Variants in TTC6 observed in about 807,000 individuals in gnomAD.
TTC6 encodes tetratricopeptide repeat protein 6.
A neutral mutation model predicts 210.4 loss-of-function variants in TTC6; 172 were observed. That is an observed-to-expected ratio of 0.82 (90% CI 0.72 to 0.93). The LOEUF (loss-of-function observed/expected upper bound fraction) is 0.93. Among genes scored for constraint, TTC6 ranks in the 40% least tolerant of loss-of-function variants. The probability of loss-of-function intolerance (pLI) is 0.00; values close to 1 mark genes in which losing one functional copy is unlikely to be tolerated. For synonymous variants in TTC6, 804 were observed against 819.6 expected, an observed-to-expected ratio of 0.98 and a Z score of 0.32; for missense variants, 2,414 against 2,318.1, an observed-to-expected ratio of 1.04 and a Z score of -0.85.
At chr14:37,711,306 T>TC (rs1016146407) in intron 5 of TTC6, among the ~76,000 whole-genome samples, 3 of 152,150 alleles carry the variant, frequency 2.0e-5, no homozygotes, top group Non-Finnish European at 2.9e-5. Flanking sequence ...AAGCCTATGC[T>TC]CTACTGTGAA....
At chr14:37,839,803 C>G (rs1952781) in intron 29 of TTC6, among the ~76,000 whole-genome samples, 133,063 of 152,136 alleles carry the variant, frequency 0.87, 58,987 homozygotes, top group Non-Finnish European at 0.95. Flanking sequence ...AGTCTTTAAT[C>G]CATCTTGAGT....
At chr14:37,667,621 G>A (rs1190525567) in intron 1 of TTC6, among the ~76,000 whole-genome samples, 1 of 150,678 alleles carries the variant, frequency 6.6e-6, no homozygotes, top group Non-Finnish European at 1.5e-5. Flanking sequence ...AAACGTTAGG[G>A]TTATTTTTAT....
chr14:37,720,042 C>T (rs946647506), intron 6 of TTC6, among the ~76,000 whole-genome samples: 5 of 152,066 alleles, frequency 3.3e-5, no homozygotes, highest in Admixed American at 3.3e-4. Flanking sequence ...CATTAATAAA[C>T]ATTTCACCAC....
chr14:37,837,375 T>C, intron 29 of TTC6: 1 of 455,090 alleles, frequency 2.2e-6, no homozygotes, highest in South Asian at 1.6e-5. Flanking sequence ...TTCTGAGAAC[T>C]GGGGGTGCAA....
At chr14:37,647,758 G>A (rs1358647345) in intron 1 of TTC6, among the ~76,000 whole-genome samples, 1 of 152,078 alleles carries the variant, frequency 6.6e-6, no homozygotes, top group East Asian at 1.9e-4. Flanking sequence ...ATGACCCGGG[G>A]GATAAGTGTA....
At chr14:37,666,554 G>A (rs1345874374) in intron 1 of TTC6, among the ~76,000 whole-genome samples, 2 of 150,214 alleles carry the variant, frequency 1.3e-5, no homozygotes, top group African/African-American at 4.8e-5. Context: ...AGAGTGCCTG[G>A]TTAGGCCACC....
At chr14:37,771,990 T>C (rs1460418390) in intron 14 of TTC6, among the ~76,000 whole-genome samples, 4 of 152,174 alleles carry the variant, frequency 2.6e-5, no homozygotes, top group Admixed American at 2.6e-4. Flanking sequence ...TTGGTGTGAA[T>C]GTCCTTTCTG....
chr14:37,806,553 T>C (rs758921807), intron 22 of TTC6, 43 bp downstream of exon 24: 1 of 1,447,348 alleles, frequency 6.9e-7, no homozygotes, highest in South Asian at 1.4e-5. Flanking sequence ...AGTGTTAAGT[T>C]TGGTAAAACT....
At chr14:37,789,765 A>G (rs2096075384) in intron 15 of TTC6, among the ~76,000 whole-genome samples, 2 of 151,826 alleles carry the variant, frequency 1.3e-5, no homozygotes, top group African/African-American at 4.8e-5. Context: ...TTCTCAGAAC[A>G]TATCCCTACT....
intron 1 of TTC6, among the ~76,000 whole-genome samples, chr14:37,638,654 T>C (rs1411479981): frequency 2.0e-5 from 3 of 152,128 alleles, no homozygotes; most frequent in Non-Finnish European, 4.4e-5. Context: ...AGGGAAGTGT[T>C]TGTGGCTTTA....
In TTC6 at chr14:37,796,488, A is replaced by G. The variant is rs1392982259; in HGVS notation, c.3868+118A>G. 5.6e-6 allele frequency: 3 copies of G among 540,472 alleles called. No individual in the cohort carries two copies. The African/African-American group carries it at 6.0e-5, about 11-fold the overall frequency. The allele number at this position is 540,472 out of a possible 1,614,324, so 33.5% of individuals were successfully genotyped here. ...AATTGAAAGTCAAATTAGATTTTCA[A>G]ACTTTAGTTTTATATGTACATTGCC... On this transcript the variant is annotated intron_variant, in intron 19 of 30. Transcript: ENST00000553443.
At chr14:37,748,993 A>G in exon 11 of TTC6, 1 of 1,533,866 alleles carries the variant, frequency 6.5e-7, no homozygotes, top group Non-Finnish European at 8.7e-7. Flanking sequence ...TCAAAGTTCC[A>G]TTATATGAAC....
At chr14:37,807,641 T>A (rs17179532) in intron 23 of TTC6, among the ~76,000 whole-genome samples, 181 bp downstream of exon 25, 39,944 of 152,024 alleles carry the variant, frequency 0.26, 6,237 homozygotes, top group South Asian at 0.41. Context: ...ATAATGGTAT[T>A]TATTTTTGAC....
intron 26 of TTC6, among the ~76,000 whole-genome samples, chr14:37,818,319 A>G (rs2096147145): frequency 6.6e-6 from 1 of 152,190 alleles, no homozygotes; most frequent in Admixed American, 6.5e-5. Context: ...TTTGTTAGCC[A>G]TAATGTTTAT....
At chr14:37,657,237 A>AAAAAAG (rs2095725964) in intron 1 of TTC6, among the ~76,000 whole-genome samples, 8 of 150,792 alleles carry the variant, frequency 5.3e-5, no homozygotes, top group Non-Finnish European at 1.5e-5. Flanking sequence ...AAAAAAAAAA[A>AAAAAAG]AATACAAGTA....
chr14:37,728,470 C>G (rs2095878248), intron 7 of TTC6, among the ~76,000 whole-genome samples: 1 of 151,630 alleles, frequency 6.6e-6, no homozygotes, highest in Non-Finnish European at 1.5e-5. Flanking sequence ...GTTTTACTTT[C>G]TGTGATTAGA....
chr14:37,613,888 G>A (rs2095638519), intron 2 of TTC6, among the ~76,000 whole-genome samples: 1 of 151,838 alleles, frequency 6.6e-6, no homozygotes, highest in Non-Finnish European at 1.5e-5. Context: ...ATTTTGTTGA[G>A]ATTTTAAAAG....
At chr14:37,731,855 T>TA (rs151332809) in intron 7 of TTC6, among the ~76,000 whole-genome samples, 15,533 of 152,194 alleles carry the variant, frequency 0.1, 2,600 homozygotes, top group African/African-American at 0.35. Context: ...TGGATTTTTT[T>TA]TGTTTTTTAA....
intron 7 of TTC6, among the ~76,000 whole-genome samples, chr14:37,725,340 AT>A (rs2095870435): frequency 9.7e-6 from 1 of 103,072 alleles, no homozygotes; most frequent in African/African-American, 3.4e-5. Flanking sequence ...ATATATATAT[AT>A]ATATATATAT....
Sources: allele counts gnomAD v4.1 joint callset (sites outside exome capture counted in the v4.1 genomes callset), GRCh38; gene constraint gnomAD v4.1.1; transcripts MANE v1.5; gene names NCBI Gene and HGNC (gene_info 2026-07-23, HGNC 2026-07-21).